Variants in GPM6A observed in about 807,000 individuals in gnomAD.
GPM6A encodes the protein neuronal membrane glycoprotein M6-a.
GPM6A carries 7 observed loss-of-function variants against 32.1 expected under a neutral mutation model. The observed-to-expected ratio is 0.22, with a 90% CI of 0.12 to 0.41. The LOEUF is 0.41. GPM6A is among the 10% of genes least tolerant of loss of function. GPM6A has a pLI of 1.00. For missense variants in GPM6A, 235 were observed against 347.2 expected (o/e 0.68, Z 2.57); for synonymous variants, 130 against 123.4 (o/e 1.05, Z -0.35).
intron 1 of GPM6A, among the ~76,000 whole-genome samples, chr4:175,765,365 C>G (rs1382808327): frequency 1.3e-5 from 2 of 152,156 alleles, no homozygotes; most frequent in African/African-American, 4.8e-5. Flanking sequence ...CCACCAAAAA[C>G]AGTGGAGGGA....
intron 1 of GPM6A, among the ~76,000 whole-genome samples, chr4:175,851,101 G>C (rs111576415): frequency 0.025 from 3,843 of 152,152 alleles, 147 homozygotes; most frequent in African/African-American, 0.085. Context: ...GCTCATGCCT[G>C]TAATCCCAGC....
rs35210127 is a variant in GPM6A, at chr4:175,889,518, C to CAAAAAAAAAAAAAAAAAAA, written c.-22-77270_-22-77269insTTTTTTTTTTTTTTTTTTT. Among the ~76,000 whole-genome samples, 51 of 137,008 alleles carry CAAAAAAAAAAAAAAAAAAA rather than the reference C, an allele frequency of 3.7e-4. 1 individual carries two copies. The highest frequency in any genetic ancestry group is 1.5e-3 in the African/African-American group (51 of 35,076). The allele number at this position is 137,008 out of a possible 152,430, so 89.9% of individuals were successfully genotyped here. On this transcript the variant is annotated intron_variant, in intron 1 of 7. Transcript: ENST00000280187. ...GAGTGACAGAGCAAAACCCTGTCTCCAAAAAAAAAAAAAGAGGCCAGGCGC... is the reference window on the plus strand; with the variant it reads ...GAGTGACAGAGCAAAACCCTGTCTCCAAAAAAAAAAAAAAAAAAAAAAAAAAAAAAAAGAGGCCAGGCGC...
At chr4:175,851,525 TC>T (rs924657580) in intron 1 of GPM6A, among the ~76,000 whole-genome samples, 2 of 150,796 alleles carry the variant, frequency 1.3e-5, no homozygotes, top group African/African-American at 4.9e-5. Flanking sequence ...CAAATGAGTG[TC>T]CAAACACTCT....
chr4:175,721,032 C>CATAT (rs954188098), intron 1 of GPM6A, among the ~76,000 whole-genome samples: 1 of 118,432 alleles, frequency 8.4e-6, no homozygotes, highest in African/African-American at 3.2e-5. Context: ...TATACTAGTA[C>CATAT]ATATATATTA....
At chr4:175,645,710 G>C (rs1404989668) in intron 4 of GPM6A, among the ~76,000 whole-genome samples, 1 of 152,130 alleles carries the variant, frequency 6.6e-6, no homozygotes, top group Middle Eastern at 3.2e-3. Context: ...GACAGAGCAA[G>C]ACTCCGTCTC....
chr4:175,970,678 G>A (rs1258291025), intron 1 of GPM6A, among the ~76,000 whole-genome samples: 1 of 152,148 alleles, frequency 6.6e-6, no homozygotes, highest in East Asian at 1.9e-4. Flanking sequence ...AAAGGAAAAG[G>A]GAGAAGGGAA....
intron 1 of GPM6A, among the ~76,000 whole-genome samples, chr4:175,850,156 A>C (rs1173076226): frequency 6.6e-6 from 1 of 152,190 alleles, no homozygotes; most frequent in Non-Finnish European, 1.5e-5. Flanking sequence ...CATTCTTTCC[A>C]AATTCCTGAG....
chr4:175,720,915 G>C (rs1321234180), intron 1 of GPM6A, among the ~76,000 whole-genome samples: 3 of 151,572 alleles, frequency 2.0e-5, no homozygotes, highest in Non-Finnish European at 2.9e-5. Context: ...CGCTGCTGAG[G>C]TGTGATGAAA....
chr4:175,786,805 A>G (rs1410420315), intron 1 of GPM6A: 1 of 153,406 alleles, frequency 6.5e-6, no homozygotes, highest in Non-Finnish European at 1.4e-5. Flanking sequence ...AAACCTCCAG[A>G]CTAATTTCAC....
intron 1 of GPM6A, among the ~76,000 whole-genome samples, chr4:175,799,075 CTTTTTTCA>C (rs1468790456): frequency 6.6e-6 from 1 of 151,802 alleles, no homozygotes; most frequent in African/African-American, 2.4e-5. Flanking sequence ...TCCTTTTTTC[CTTTTTTCA>C]TTTTGCAAAA....
chr4:175,739,887 A>C (rs1414122153), intron 1 of GPM6A, among the ~76,000 whole-genome samples: 1 of 152,112 alleles, frequency 6.6e-6, no homozygotes, highest in Non-Finnish European at 1.5e-5. Flanking sequence ...TTCACAAAAA[A>C]TAAGAGTTTT....
chr4:175,760,814 G>T (rs1481049596), intron 1 of GPM6A, among the ~76,000 whole-genome samples: 1 of 151,638 alleles, frequency 6.6e-6, no homozygotes, highest in African/African-American at 2.4e-5. Flanking sequence ...CAGAAAATAG[G>T]ACTCTTAGAA....
At chr4:175,878,214 C>T (rs933365777) in intron 1 of GPM6A, among the ~76,000 whole-genome samples, 2 of 152,276 alleles carry the variant, frequency 1.3e-5, no homozygotes, top group African/African-American at 4.8e-5. Flanking sequence ...GTACATGGTA[C>T]AAGCCGTCAG....
At chr4:175,701,838 G>T in intron 1 of GPM6A, 71 bp from the exon 2 acceptor site, 2 of 1,075,030 alleles carry the variant, frequency 1.9e-6, no homozygotes, top group Non-Finnish European at 1.4e-6. Context: ...TCAAACTTCA[G>T]CACTATGGGA....
chr4:175,955,551 A>T (rs918960521), intron 1 of GPM6A, among the ~76,000 whole-genome samples: 2 of 152,234 alleles, frequency 1.3e-5, no homozygotes, highest in East Asian at 3.8e-4. Context: ...TTTCATCAGT[A>T]CAGAGGTAAG....
intron 1 of GPM6A, among the ~76,000 whole-genome samples, chr4:175,956,897 ATAAACTATG>A (rs1318111340): frequency 1.3e-5 from 2 of 152,240 alleles, no homozygotes; most frequent in Non-Finnish European, 2.9e-5. Flanking sequence ...TGAGAATAAA[ATAAACTATG>A]TATTCTAGAG....
chr4:175,785,555 A>T (rs1341070884), intron 1 of GPM6A, among the ~76,000 whole-genome samples: 1 of 152,006 alleles, frequency 6.6e-6, no homozygotes, highest in Non-Finnish European at 1.5e-5. Context: ...CCTCTAAATC[A>T]CCCTTAACAG....
At chr4:175,638,339 A>G (rs1740935747) in intron 6 of GPM6A, among the ~76,000 whole-genome samples, 1 of 152,022 alleles carries the variant, frequency 6.6e-6, no homozygotes, top group Admixed American at 6.6e-5. Context: ...CAGAGCTAAT[A>G]AATTGGAAAT....
intron 1 of GPM6A, among the ~76,000 whole-genome samples, chr4:175,936,028 G>A (rs1449165543): frequency 2.6e-5 from 4 of 151,064 alleles, no homozygotes; most frequent in African/African-American, 4.9e-5. Flanking sequence ...AAAAACGGCC[G>A]GGCACGGTGG....
Sources: allele counts gnomAD v4.1 joint callset (sites outside exome capture counted in the v4.1 genomes callset), GRCh38; gene constraint gnomAD v4.1.1; transcripts MANE v1.5; gene names NCBI Gene and HGNC (gene_info 2026-07-23, HGNC 2026-07-21).